GPAT3: variants seen among roughly 807,000 people sequenced by gnomAD.
GPAT3 encodes glycerol-3-phosphate acyltransferase 3.
Under a neutral mutation model 58.8 loss-of-function variants are expected in GPAT3, and 53 were observed. The observed-to-expected ratio is 0.90, with a 90% CI of 0.72 to 1.13. The LOEUF (loss-of-function observed/expected upper bound fraction) is 1.13. GPAT3 is among the 50% of genes most tolerant of loss of function. The pLI, the probability that GPAT3 is intolerant of heterozygous loss-of-function variation, is 0.00. For synonymous variants in GPAT3, 197 were observed against 187.4 expected, an observed-to-expected ratio of 1.05 and a Z score of -0.42; for missense variants, 511 against 527.6, an observed-to-expected ratio of 0.97 and a Z score of 0.31.
chr4:83,551,826 A>ATCTATCTATCTATCTG, intron 2 of GPAT3, among the ~76,000 whole-genome samples: 1 of 142,358 alleles, frequency 7.0e-6, no homozygotes, highest in African/African-American at 2.9e-5. Flanking sequence ...CTATCTATCT[A>ATCTATCTATCTATCTG]TCTATCTATC....
chr4:83,591,610 A>G (rs1314930424), intron 6 of GPAT3, among the ~76,000 whole-genome samples: 1 of 152,154 alleles, frequency 6.6e-6, no homozygotes, highest in Non-Finnish European at 1.5e-5. Flanking sequence ...GGGTCTCCCT[A>G]AAGACCATCC....
intron 2 of GPAT3, among the ~76,000 whole-genome samples, chr4:83,578,346 T>C (rs1725897068): frequency 6.6e-6 from 1 of 152,204 alleles, no homozygotes; most frequent in South Asian, 2.1e-4. Context: ...TTTTGAAAGA[T>C]GCTTAACTAA....
chr4:83,603,346 A>G (rs1727132134), intron 11 of GPAT3, among the ~76,000 whole-genome samples: 2 of 152,208 alleles, frequency 1.3e-5, no homozygotes, highest in African/African-American at 4.8e-5. Context: ...CCCTGGAGAG[A>G]GTTCAAAGAT....
At chr4:83,554,387 C>T (rs1330093752) in intron 2 of GPAT3, among the ~76,000 whole-genome samples, 1 of 152,140 alleles carries the variant, frequency 6.6e-6, no homozygotes, top group Non-Finnish European at 1.5e-5. Context: ...TTCCCCAAAC[C>T]AGGCTCCCCA....
At chr4:83,598,260 A>G (rs1726924745) in intron 10 of GPAT3, 81 bp downstream of exon 10, 1 of 1,545,918 alleles carries the variant, frequency 6.5e-7, no homozygotes, top group Non-Finnish European at 8.7e-7. Flanking sequence ...TCCCTTCTCC[A>G]TGTCATGCTT....
chr4:83,590,152 G>T, intron 5 of GPAT3, 47 bp from the exon 6 acceptor site: 1 of 1,529,490 alleles, frequency 6.5e-7, no homozygotes, highest in Non-Finnish European at 9.0e-7. Context: ...TTTACATGCT[G>T]TGGCTATTTT....
At chr4:83,590,909 A>G (rs901808939) in intron 6 of GPAT3, among the ~76,000 whole-genome samples, 3 of 145,862 alleles carry the variant, frequency 2.1e-5, no homozygotes, top group Non-Finnish European at 3.0e-5. Flanking sequence ...TTTTTTTCAA[A>G]TCTGTGTTTT....
In GPAT3 at chr4:83,594,938, G is replaced by T. The variant is rs759818877; in HGVS notation, c.832G>T (p.Asp278Tyr). 6.2e-7 allele frequency: 1 copy of T among 1,613,846 alleles called. No individual in the cohort carries two copies. The highest frequency in any genetic ancestry group is 8.5e-7 in the Non-Finnish European group (1 of 1,179,808). The change falls in exon 7 of 12, where the codon GAT becomes TAT. Residue 278 changes from aspartate (D) to tyrosine (Y), a missense_variant. Coordinates refer to ENST00000264409, the MANE Select transcript of GPAT3 (RefSeq NM_032717.5). ...HVWFERSEMK[D>Y]RHLVTKRLKE... ...CTGGTTTGAACGCTCAGAAATGAAG[G>T]ATCGACACCTGGTTACTAAGAGGTA...
chr4:83,569,887 C>T (rs114285464), intron 2 of GPAT3, among the ~76,000 whole-genome samples: 3,101 of 151,944 alleles, frequency 0.02, 106 homozygotes, highest in African/African-American at 0.071. Context: ...AGAATGATCA[C>T]GTGTAAGTGA....
intron 3 of GPAT3, among the ~76,000 whole-genome samples, chr4:83,582,864 A>C (rs139090819): frequency 4.5e-4 from 68 of 152,270 alleles, no homozygotes; most frequent in African/African-American, 1.6e-3. Flanking sequence ...TGTGATAATG[A>C]AGCGAAATTC....
chr4:83,602,036 A>T (rs964951693), intron 11 of GPAT3, among the ~76,000 whole-genome samples: 1 of 152,232 alleles, frequency 6.6e-6, no homozygotes, highest in Non-Finnish European at 1.5e-5. Flanking sequence ...ATGTTAAACT[A>T]AATGACAGAA....
chr4:83,562,671 A>T (rs1173230816), intron 2 of GPAT3, among the ~76,000 whole-genome samples: 1 of 152,090 alleles, frequency 6.6e-6, no homozygotes, highest in Non-Finnish European at 1.5e-5. Context: ...AATGAAAGAC[A>T]TTTACAAGGG....
intron 2 of GPAT3, among the ~76,000 whole-genome samples, chr4:83,560,073 C>T (rs891023256): frequency 1.3e-5 from 2 of 152,168 alleles, no homozygotes; most frequent in Admixed American, 1.3e-4. Context: ...CTGTGGACCC[C>T]CTTCACTGAC....
At chr4:83,579,015 TC>T (rs1466763096) in intron 2 of GPAT3, among the ~76,000 whole-genome samples, 17 of 108,488 alleles carry the variant, frequency 1.6e-4, no homozygotes, top group Admixed American at 2.9e-4. Context: ...CTTCCTTCTT[TC>T]CCTTTCTTTC....
At chr4:83,573,003 A>G (rs540556544) in intron 2 of GPAT3, among the ~76,000 whole-genome samples, 44 of 152,186 alleles carry the variant, frequency 2.9e-4, no homozygotes, top group African/African-American at 1.1e-3. Flanking sequence ...TTGTTGATGC[A>G]GTAATTAACA....
chr4:83,546,280 C>T (rs531627779), intron 2 of GPAT3, among the ~76,000 whole-genome samples: 32 of 151,768 alleles, frequency 2.1e-4, no homozygotes, highest in African/African-American at 6.6e-4. Context: ...CCATTGCACC[C>T]GGCCCAGCCA....
At chr4:83,558,559 G>A (rs1725020587) in intron 2 of GPAT3, among the ~76,000 whole-genome samples, 1 of 152,168 alleles carries the variant, frequency 6.6e-6, no homozygotes, top group Admixed American at 6.6e-5. Flanking sequence ...TGGATATACT[G>A]GTGTTGAAGC....
chr4:83,579,048 TTC>T (rs1491395538), intron 2 of GPAT3, among the ~76,000 whole-genome samples: 9 of 36,098 alleles, frequency 2.5e-4, no homozygotes, highest in Non-Finnish European at 4.8e-4. Context: ...CTTTCTTTCT[TTC>T]TTTCTTTCTT....
intron 5 of GPAT3, among the ~76,000 whole-genome samples, chr4:83,589,717 C>G (rs1253522575): frequency 6.6e-6 from 1 of 152,052 alleles, no homozygotes; most frequent in East Asian, 1.9e-4. Context: ...TCATGGGCCC[C>G]CTACCACACT....
Sources: gnomAD v4.1 joint callset for allele counts (sites outside exome capture counted in the v4.1 genomes callset) on GRCh38, gnomAD v4.1.1 for gene constraint, MANE v1.5 for transcripts, NCBI Gene and HGNC (gene_info 2026-07-23, HGNC 2026-07-21) for gene names.